Variants in WDFY4 observed in about 807,000 individuals in gnomAD.
WDFY4 encodes WDFY family member 4.
A neutral mutation model predicts 351.9 loss-of-function variants in WDFY4; 169 were observed. The observed-to-expected ratio is 0.48, with a 90% CI of 0.42 to 0.55. WDFY4 has a LOEUF of 0.55. WDFY4 is among the 20% of genes least tolerant of loss of function. The pLI, the probability that WDFY4 is intolerant of heterozygous loss-of-function variation, is 0.00. For synonymous variants in WDFY4, 1,622 were observed against 1,574.6 expected (o/e 1.03, Z -0.71); for missense variants, 3,803 against 3,935.6 (o/e 0.97, Z 0.90).
intron 41 of WDFY4, among the ~76,000 whole-genome samples, chr10:48,874,495 G>T (rs959161931): frequency 2.0e-5 from 3 of 152,070 alleles, no homozygotes; most frequent in Non-Finnish European, 4.4e-5. Flanking sequence ...TGTAACCTCA[G>T]CATCTTTTAC....
chr10:48,976,732 T>C, intron 58 of WDFY4, 65 bp from the exon 59 acceptor site: 1 of 1,289,136 alleles, frequency 7.8e-7, no homozygotes, highest in Non-Finnish European at 1.0e-6. Context: ...ACTGGGTAGC[T>C]GAGCAAGTGG....
At chr10:48,913,711 C>A in intron 47 of WDFY4, 2 of 1,612,704 alleles carry the variant, frequency 1.2e-6, no homozygotes, top group Non-Finnish European at 1.7e-6. Context: ...TGGAGCCCTA[C>A]CTCGTGGAGC....
chr10:48,817,212 G>A, intron 31 of WDFY4, 33 bp from the exon 32 acceptor site: 1 of 1,548,852 alleles, frequency 6.5e-7, no homozygotes, highest in Non-Finnish European at 8.7e-7. Context: ...CCATCATGCT[G>A]CCCTGCACTA....
intron 25 of WDFY4, among the ~76,000 whole-genome samples, chr10:48,804,562 C>CAAA (rs58660119): frequency 2.0e-5 from 2 of 101,658 alleles, no homozygotes; most frequent in South Asian, 3.1e-4. Context: ...TGTGTTAATA[C>CAAA]AAAAAAAAAA....
At chr10:48,714,577 CT>C (rs2063849900) in intron 2 of WDFY4, among the ~76,000 whole-genome samples, 1 of 152,172 alleles carries the variant, frequency 6.6e-6, no homozygotes, top group South Asian at 2.1e-4. Context: ...AGAAGGTGTT[CT>C]TCTAGCAATC....
intron 13 of WDFY4, among the ~76,000 whole-genome samples, chr10:48,761,019 G>T (rs1402003737): frequency 6.6e-6 from 1 of 152,204 alleles, no homozygotes; most frequent in African/African-American, 2.4e-5. Context: ...GGGTGCTGAG[G>T]TAGAAGAATG....
Position 48,734,005 on chromosome 10 carries a change from A to T in WDFY4, c.1657A>T (p.Thr553Ser), listed in dbSNP as rs139627588. 0.015 allele frequency: 22,675 copies of T among 1,551,980 alleles called. 245 individuals carry two copies. Among genetic ancestry groups the T allele is most frequent in the Non-Finnish European group, 0.016 (17,870 of 1,147,050 alleles). The change falls in exon 10 of 62, where the codon ACA (threonine) becomes TCA (serine). Residue 553 changes from threonine (T) to serine (S), a missense_variant. By Grantham distance (58) the Thr-to-Ser change is moderately conservative (BLOSUM62 1). This residue lies in a region of WDFY4 where 261 missense variants were observed against 330.2 expected (regional missense o/e 0.79). Transcript: ENST00000325239. ...LTCVMLRIVV[T>S]LLKGSVRNAV... Reference sequence around the variant, plus strand: ...CTGTGTGATGCTGAGGATTGTAGTCACACTTCTGAAAGGCTCGGTGAGGAA... The same window carrying T: ...CTGTGTGATGCTGAGGATTGTAGTCTCACTTCTGAAAGGCTCGGTGAGGAA...
rs564327222 is a variant in WDFY4 at position 48,722,292 on chromosome 10, A to G, written c.456+925A>G. Among the ~76,000 whole-genome samples, 19 of 152,226 alleles carry G rather than the reference A, an allele frequency of 1.2e-4. No homozygotes were observed. In the South Asian group the frequency reaches 3.9e-3, roughly 32 times the overall value. The stretch of plus-strand genomic sequence containing the variant: ...GAAGCACAGCACGAGGGCGCATCAC[A>G]TGTGCCCCTGGGGGAAGGACTCTCT... On this transcript the variant is annotated intron_variant, in intron 4 of 61. Transcript: ENST00000325239.
intron 51 of WDFY4, among the ~76,000 whole-genome samples, chr10:48,947,987 A>G (rs57406661): frequency 6.6e-6 from 1 of 152,054 alleles, no homozygotes; most frequent in African/African-American, 2.4e-5. Flanking sequence ...TGAGTTTGGG[A>G]CTGACCTCAC....
At chr10:48,956,488 C>T (rs543134393) in intron 51 of WDFY4, among the ~76,000 whole-genome samples, 105 of 152,282 alleles carry the variant, frequency 6.9e-4, no homozygotes, top group African/African-American at 1.3e-3. Flanking sequence ...CCTCCCCTAG[C>T]GAGCTCTCCT....
chr10:48,782,094 T>A (rs1031114095), intron 19 of WDFY4, among the ~76,000 whole-genome samples: 1 of 152,202 alleles, frequency 6.6e-6, no homozygotes, highest in Non-Finnish European at 1.5e-5. Context: ...TGACTGTGAA[T>A]GTTAATAACT....
At chr10:48,831,698 C>A (rs1283325004) in intron 38 of WDFY4, among the ~76,000 whole-genome samples, 1 of 152,156 alleles carries the variant, frequency 6.6e-6, no homozygotes, top group African/African-American at 2.4e-5. Flanking sequence ...TTGCTCAGTT[C>A]TGGAGGCTGG....
chr10:48,753,371 A>T (rs903393299), intron 12 of WDFY4, among the ~76,000 whole-genome samples: 1 of 152,096 alleles, frequency 6.6e-6, no homozygotes, highest in African/African-American at 2.4e-5. Context: ...TTCAGTTTTG[A>T]TGAAGTCCAG....
At chr10:48,758,942 T>C (rs1379499223) in intron 12 of WDFY4, among the ~76,000 whole-genome samples, 1 of 152,198 alleles carries the variant, frequency 6.6e-6, no homozygotes, top group Non-Finnish European at 1.5e-5. Context: ...CCTGGTTCAT[T>C]CTATGTTGAG....
intron 25 of WDFY4, chr10:48,804,904 C>T: frequency 2.1e-6 from 1 of 471,506 alleles, no homozygotes; most frequent in Non-Finnish European, 2.8e-6. Flanking sequence ...CCCTGCACTC[C>T]TGGCTGGTGG....
At chr10:48,720,184 C>T in intron 3 of WDFY4, 59 bp downstream of exon 3, 2 of 1,496,056 alleles carry the variant, frequency 1.3e-6, no homozygotes, top group Non-Finnish European at 1.8e-6. Context: ...CCTGCATGCC[C>T]TCCCAGGCCT....
intron 10 of WDFY4, among the ~76,000 whole-genome samples, chr10:48,735,610 G>GATACATTTTTTTTTTCAA (rs1397514617): frequency 6.6e-6 from 1 of 151,822 alleles, no homozygotes; most frequent in Non-Finnish European, 1.5e-5. Flanking sequence ...CCTATGGGGA[G>GATACATTTTTTTTTTCAA]ATGTTAGTCA....
chr10:48,933,536 G>A (rs1249665901), intron 47 of WDFY4, among the ~76,000 whole-genome samples: 1 of 152,232 alleles, frequency 6.6e-6, no homozygotes. Context: ...ATGCTGGCAG[G>A]AGCTGAGCTA....
chr10:48,871,219 G>A (rs951388882), intron 40 of WDFY4, among the ~76,000 whole-genome samples: 34 of 152,150 alleles, frequency 2.2e-4, no homozygotes, highest in African/African-American at 7.9e-4. Flanking sequence ...ACAGGCATGA[G>A]CCACTGTGCC....
Sources: allele counts gnomAD v4.1 joint callset (sites outside exome capture counted in the v4.1 genomes callset), GRCh38; gene constraint gnomAD v4.1.1; regional missense constraint gnomAD v4.1.1; transcripts MANE v1.5; gene names NCBI Gene and HGNC (gene_info 2026-07-23, HGNC 2026-07-21).